Variants in KLHL1 observed in about 807,000 individuals in gnomAD.
KLHL1 encodes the protein kelch-like protein 1.
A neutral mutation model predicts 77.7 loss-of-function variants in KLHL1; 47 were observed. That is an observed-to-expected ratio of 0.60 (90% confidence interval 0.48 to 0.77). The LOEUF (loss-of-function observed/expected upper bound fraction) is 0.77. KLHL1 is among the 30% of genes least tolerant of loss of function. The pLI, the probability that KLHL1 is intolerant of heterozygous loss-of-function variation, is 0.00. For synonymous variants in KLHL1, 360 were observed against 325.2 expected (o/e 1.11, Z -1.15); for missense variants, 925 against 910.8 (o/e 1.02, Z -0.20).
chr13:69,705,924 A>T (rs1875606233), intron 10 of KLHL1, among the ~76,000 whole-genome samples: 1 of 151,738 alleles, frequency 6.6e-6, no homozygotes, highest in Non-Finnish European at 1.5e-5. Context: ...TTCAGATATT[A>T]TATTACATCA....
At chr13:69,729,424 C>A (rs1873444474) in intron 8 of KLHL1, among the ~76,000 whole-genome samples, 1 of 151,852 alleles carries the variant, frequency 6.6e-6, no homozygotes, top group Admixed American at 6.6e-5. Flanking sequence ...TTTTTTATTA[C>A]TCTTAATTGG....
chr13:70,012,703 G>T (rs1454434097), intron 1 of KLHL1, among the ~76,000 whole-genome samples: 1 of 152,006 alleles, frequency 6.6e-6, no homozygotes, highest in African/African-American at 2.4e-5. Context: ...GAGGTCAGGA[G>T]ATCGAGACCA....
intron 3 of KLHL1, among the ~76,000 whole-genome samples, chr13:69,946,847 CAT>C (rs1566432890): frequency 6.6e-6 from 1 of 151,768 alleles, no homozygotes; most frequent in African/African-American, 2.4e-5. Flanking sequence ...ATATATAAAA[CAT>C]GATTATAGTC....
chr13:69,959,953 T>C (rs1254635720), intron 3 of KLHL1, among the ~76,000 whole-genome samples: 4 of 151,964 alleles, frequency 2.6e-5, no homozygotes, highest in Non-Finnish European at 5.9e-5. Flanking sequence ...TCTCTCCTAA[T>C]ACAATATCCT....
At chr13:70,078,772 T>C (rs1887323142) in intron 1 of KLHL1, among the ~76,000 whole-genome samples, 1 of 152,188 alleles carries the variant, frequency 6.6e-6, no homozygotes, top group Admixed American at 6.5e-5. Context: ...ATTATAAATA[T>C]ATTTCAAATG....
At chr13:70,101,070 T>C (rs1012724854) in intron 1 of KLHL1, among the ~76,000 whole-genome samples, 7 of 152,164 alleles carry the variant, frequency 4.6e-5, no homozygotes, top group Non-Finnish European at 1.0e-4. Context: ...TAAATTATCT[T>C]TGGAGACTTG....
chr13:69,776,180 A>G (rs1294859138), intron 7 of KLHL1, among the ~76,000 whole-genome samples: 1 of 152,162 alleles, frequency 6.6e-6, no homozygotes, highest in Non-Finnish European at 1.5e-5. Context: ...AAATAAAAAA[A>G]TAATTGTTCT....
intron 6 of KLHL1, among the ~76,000 whole-genome samples, chr13:69,813,984 T>C (rs1878012896): frequency 6.6e-6 from 1 of 152,104 alleles, no homozygotes; most frequent in Non-Finnish European, 1.5e-5. Context: ...TCACATTACC[T>C]GACTTCAAAT....
At chr13:69,704,595 A>G (rs1046246080) in intron 10 of KLHL1, among the ~76,000 whole-genome samples, 2 of 151,736 alleles carry the variant, frequency 1.3e-5, no homozygotes, top group African/African-American at 4.8e-5. Context: ...TGCCCAGTGC[A>G]CTTAAGTTCT....
At chr13:69,895,868 G>T (rs1177880690) in intron 4 of KLHL1, among the ~76,000 whole-genome samples, 2 of 151,858 alleles carry the variant, frequency 1.3e-5, no homozygotes, top group Non-Finnish European at 2.9e-5. Flanking sequence ...CACCATGCCT[G>T]GCTAATTATT....
chr13:69,783,756 G>C (rs1345600586), intron 7 of KLHL1, among the ~76,000 whole-genome samples: 1 of 132,580 alleles, frequency 7.5e-6, no homozygotes, highest in African/African-American at 3.0e-5. Context: ...AAAACACTCT[G>C]CGGGATATTA....
At chr13:69,824,811 T>C (rs1192187410) in intron 6 of KLHL1, among the ~76,000 whole-genome samples, 1 of 152,108 alleles carries the variant, frequency 6.6e-6, no homozygotes, top group Non-Finnish European at 1.5e-5. Flanking sequence ...CAATGCTCTA[T>C]CATGTTTAGT....
intron 1 of KLHL1, among the ~76,000 whole-genome samples, chr13:70,022,936 G>A (rs1566507165): frequency 6.6e-6 from 1 of 151,848 alleles, no homozygotes. Flanking sequence ...ACATTGCAAA[G>A]CCCAGAACTA....
intron 10 of KLHL1, among the ~76,000 whole-genome samples, chr13:69,704,499 C>T (rs1875539549): frequency 6.6e-6 from 1 of 151,610 alleles, no homozygotes; most frequent in Non-Finnish European, 1.5e-5. Context: ...GTTCCTTAAG[C>T]CAAAGCACTC....
chr13:70,007,675 T>G (rs1899329), intron 1 of KLHL1, among the ~76,000 whole-genome samples: 15,648 of 151,994 alleles, frequency 0.1, 872 homozygotes, highest in African/African-American at 0.12. Context: ...TGGTGAACCA[T>G]TATATAGAAA....
At chr13:69,748,233 T>C (rs1566208605) in intron 7 of KLHL1, among the ~76,000 whole-genome samples, 2 of 152,004 alleles carry the variant, frequency 1.3e-5, no homozygotes. Context: ...CAAATCCCAA[T>C]CCACTGTTGC....
intron 6 of KLHL1, among the ~76,000 whole-genome samples, chr13:69,833,810 TATAC>T (rs199567166): frequency 6.7e-6 from 1 of 149,518 alleles, no homozygotes; most frequent in African/African-American, 2.5e-5. Flanking sequence ...TATATATATA[TATAC>T]ACACACACAC....
chr13:70,012,859 C>A, intron 1 of KLHL1, among the ~76,000 whole-genome samples: 1 of 151,554 alleles, frequency 6.6e-6, no homozygotes, highest in Non-Finnish European at 1.5e-5. Flanking sequence ...GGTGAGATCT[C>A]GCCCCTGCAC....
At chr13:69,911,660 C>T (rs1250129046) in intron 4 of KLHL1, among the ~76,000 whole-genome samples, 2 of 151,632 alleles carry the variant, frequency 1.3e-5, no homozygotes, top group African/African-American at 4.8e-5. Context: ...ATCTTCTGTG[C>T]ACTAAGGACT....
Sources: gnomAD v4.1 joint callset for allele counts (sites outside exome capture counted in the v4.1 genomes callset) on GRCh38, gnomAD v4.1.1 for gene constraint, MANE v1.5 for transcripts, NCBI Gene and HGNC (gene_info 2026-07-23, HGNC 2026-07-21) for gene names.